Variants in SF3B1 observed in about 807,000 individuals in gnomAD.
The protein encoded by SF3B1 is pre-mRNA processing 10.
In SF3B1, 12 loss-of-function variants were observed where a neutral mutation model predicts 153.8. The observed-to-expected ratio is 0.08, with a 90% CI of 0.05 to 0.13. The LOEUF (loss-of-function observed/expected upper bound fraction) is 0.13. Among genes scored for constraint, SF3B1 ranks in the 10% least tolerant of loss-of-function variants. The pLI is 1.00. For missense variants in SF3B1, 513 were observed against 1,606.1 expected (o/e 0.32, Z 11.63); for synonymous variants, 498 against 525.2 (o/e 0.95, Z 0.71).
chr2:197,422,076 T>G (rs552402006), intron 2 of SF3B1, among the ~76,000 whole-genome samples: 60 of 152,264 alleles, frequency 3.9e-4, no homozygotes, highest in Non-Finnish European at 7.2e-4. Context: ...TCTCCAGATC[T>G]TAACACCTCA....
intron 1 of SF3B1, among the ~76,000 whole-genome samples, chr2:197,430,642 T>A (rs1014699734): frequency 6.6e-6 from 1 of 152,138 alleles, no homozygotes; most frequent in Non-Finnish European, 1.5e-5. Context: ...TTAGTAGAGA[T>A]AGGGTTTCAC....
At chr2:197,423,662 TAGAG>T in intron 2 of SF3B1, 142 bp downstream of exon 2, 1 of 707,578 alleles carries the variant, frequency 1.4e-6, no homozygotes. Context: ...TTCTGAACCT[TAGAG>T]AGGATACCTC....
intron 1 of SF3B1, among the ~76,000 whole-genome samples, chr2:197,424,197 T>C (rs1453643937): frequency 6.6e-6 from 1 of 152,196 alleles, no homozygotes; most frequent in African/African-American, 2.4e-5. Context: ...CCCAACACTT[T>C]GGGAGGATGA....
chr2:197,395,771 A>G (rs961909973), intron 23 of SF3B1, among the ~76,000 whole-genome samples: 2 of 152,240 alleles, frequency 1.3e-5, no homozygotes, highest in Non-Finnish European at 2.9e-5. Flanking sequence ...CCAATTTTGA[A>G]AACAAAAGAT....
intron 22 of SF3B1, 120 bp downstream of exon 22, chr2:197,397,865 T>C: frequency 1.6e-6 from 1 of 612,550 alleles, no homozygotes; most frequent in South Asian, 3.0e-5. Context: ...ATGAAGAGCT[T>C]TCTCAACTGC....
At chr2:197,433,597 T>C (rs1374242343) in intron 1 of SF3B1, among the ~76,000 whole-genome samples, 2 of 152,258 alleles carry the variant, frequency 1.3e-5, no homozygotes, top group Non-Finnish European at 2.9e-5. Flanking sequence ...CCTAAAATGG[T>C]ATACTAATAT....
chr2:197,425,444 C>T (rs1431390622), intron 1 of SF3B1, among the ~76,000 whole-genome samples: 5 of 151,534 alleles, frequency 3.3e-5, no homozygotes, highest in South Asian at 2.1e-4. Flanking sequence ...CCAGCCTGGG[C>T]GACAAGAGCG....
At chr2:197,397,889 T>C (rs1315794910) in intron 22 of SF3B1, 96 bp downstream of exon 22, 1 of 850,564 alleles carries the variant, frequency 1.2e-6, no homozygotes, top group Non-Finnish European at 1.8e-6. Context: ...ATTCAGACCA[T>C]GCCTCAAAAG....
At position 197,400,448 on chromosome 2, in the gene SF3B1, T is replaced by TA. The variant is rs749132053; in HGVS notation, c.2719-15_2719-14insT. On this transcript the variant is annotated splice_polypyrimidine_tract_variant and intron_variant, in intron 18 of 24. Transcript: ENST00000335508. This position sits in a 1 kb window ranked among gnomAD's most constrained non-coding sequence, Gnocchi z 5.0. ...CATTACTGAGTCCTAAAAAATAAATTTAAAAAAAAGACATATTCATTTGGT... is the reference window on the plus strand; with the variant it reads ...CATTACTGAGTCCTAAAAAATAAATTATAAAAAAAAGACATATTCATTTGGT... 129 of 1,561,618 alleles carry TA rather than the reference T, an allele frequency of 8.3e-5. No homozygotes were observed. Among genetic ancestry groups the TA allele is most frequent in the East Asian group, 2.9e-4 (13 of 44,380 alleles).
rs188709263 is a variant in SF3B1 at position 197,424,626 on chromosome 2, C to G, written c.29-652G>C. On this transcript the variant is annotated intron_variant, in intron 1 of 24. Coordinates refer to ENST00000335508, the MANE Select transcript of SF3B1 (RefSeq NM_012433.4). ...CCATGATCCAATCAAGCACCATACA[C>G]TGCATTTAGTTGTCACTCTTTGCTC... Among the ~76,000 whole-genome samples the G allele has an allele frequency of 2.6e-5, 4 of 152,296 alleles. No individual in the cohort carries two copies. The East Asian group carries it at 7.7e-4, about 29-fold the overall frequency.
At position 197,403,590 on chromosome 2, in the gene SF3B1, G is replaced by T; in HGVS notation, c.1714C>A (p.His572Asn). 1 of 1,548,660 alleles carries T rather than the reference G, an allele frequency of 6.5e-7. No individual in the cohort carries two copies. Among genetic ancestry groups the T allele is most frequent in the Non-Finnish European group, 8.6e-7 (1 of 1,156,394 alleles). The stretch of plus-strand genomic sequence containing the variant: ...CACTATTAAGGAGAACAAACCTTAT[G>T]CACATATGGACGAACTAAGTCATCA... The part of the protein sequence containing the change: ...KLDDLVRPYV[H>N]KILVVIEPLL... The change falls in exon 12 of 25, where the codon CAT (histidine) becomes AAT (asparagine). Residue 572 changes from histidine (H) to asparagine (N), a missense_variant. His to Asn is a moderately conservative substitution (Grantham distance 68). Coordinates refer to ENST00000335508, the MANE Select transcript of SF3B1 (RefSeq NM_012433.4).
At chr2:197,413,000 T>C (rs1299814316) in intron 6 of SF3B1, among the ~76,000 whole-genome samples, 1 of 138,636 alleles carries the variant, frequency 7.2e-6, no homozygotes, top group Non-Finnish European at 1.6e-5. Context: ...AAAAAAGATA[T>C]CAGCTCTTGT....
chr2:197,398,140 A>AATT, intron 21 of SF3B1, 24 bp from the exon 22 acceptor site: 1 of 1,561,144 alleles, frequency 6.4e-7, no homozygotes, highest in South Asian at 1.2e-5. Flanking sequence ...TACACATATT[A>AATT]ATTATTGTGA....
At position 197,398,713 on chromosome 2, in the gene SF3B1, C is replaced by T. The variant is rs1031189272; in HGVS notation, c.3014-132G>A. The T allele has an allele frequency of 1.6e-4, 131 of 797,742 alleles. No homozygotes were observed. The African/African-American group carries it at 1.7e-3, about 11-fold the overall frequency. 49.4% of individuals were successfully genotyped at this position (797,742 alleles called of 1,614,324 possible). On this transcript the variant is annotated intron_variant, in intron 20 of 24. Transcript: ENST00000335508. ...AGCTGCCTAGGGAAAGAGAAAGCCCCAGATTCTGACCAGACTCAGAATCGT... is the reference window on the plus strand; with the variant it reads ...AGCTGCCTAGGGAAAGAGAAAGCCCTAGATTCTGACCAGACTCAGAATCGT...
At chr2:197,407,730 T>C (rs1288520541) in intron 9 of SF3B1, among the ~76,000 whole-genome samples, 1 of 152,160 alleles carries the variant, frequency 6.6e-6, no homozygotes, top group South Asian at 2.1e-4. Flanking sequence ...CTGGGACTGC[T>C]AGAAAACTGA....
At chr2:197,405,992 C>T (rs2084987041) in intron 9 of SF3B1, among the ~76,000 whole-genome samples, 1 of 151,176 alleles carries the variant, frequency 6.6e-6, no homozygotes, top group African/African-American at 2.4e-5. Flanking sequence ...AAATGTTTGC[C>T]AAAGCCCTAT....
intron 1 of SF3B1, among the ~76,000 whole-genome samples, chr2:197,432,715 A>C (rs1574563837): frequency 6.6e-6 from 1 of 152,224 alleles, no homozygotes; most frequent in Middle Eastern, 3.4e-3. Flanking sequence ...AAAAATACAA[A>C]AATTAGTCGG....
chr2:197,399,686 C>T (rs1220151717), intron 20 of SF3B1, among the ~76,000 whole-genome samples: 3 of 152,040 alleles, frequency 2.0e-5, no homozygotes, highest in Non-Finnish European at 4.4e-5. Context: ...ATATATTGTT[C>T]TAAAACTAAA....
chr2:197,398,297 C>G (rs971340429), intron 21 of SF3B1, among the ~76,000 whole-genome samples, 164 bp downstream of exon 21: 2 of 152,108 alleles, frequency 1.3e-5, no homozygotes, highest in Admixed American at 6.6e-5. Flanking sequence ...CATTGCCACC[C>G]CCATTACCAT....
Sources: allele counts gnomAD v4.1 joint callset (sites outside exome capture counted in the v4.1 genomes callset), GRCh38; gene constraint gnomAD v4.1.1; non-coding constraint Gnocchi (gnomAD v3.1); transcripts MANE v1.5; gene names NCBI Gene and HGNC (gene_info 2026-07-23, HGNC 2026-07-21).